Variants in C3orf52 observed in about 807,000 individuals in gnomAD.
C3orf52 encodes TPA-induced transmembrane protein.
C3orf52 carries 22 observed loss-of-function variants against 24.8 expected under a neutral mutation model. That is an observed-to-expected ratio of 0.89 (90% CI 0.63 to 1.27). The LOEUF (loss-of-function observed/expected upper bound fraction) is 1.27. C3orf52 is among the 50% of genes most tolerant of loss of function. The pLI is 0.00. For synonymous variants in C3orf52, 93 were observed against 100.2 expected (o/e 0.93, Z 0.43); for missense variants, 265 against 260.7 (o/e 1.02, Z -0.11).
downstream of C3orf52, chr3:112,133,468 T>C: frequency 4.4e-6 from 1 of 225,770 alleles, no homozygotes; most frequent in Non-Finnish European, 8.6e-6. Context: ...ATATTTACGT[T>C]TATAAATCAC....
At chr3:112,102,311 T>C (rs939656875) in intron 2 of C3orf52, among the ~76,000 whole-genome samples, 2 of 152,202 alleles carry the variant, frequency 1.3e-5, no homozygotes, top group African/African-American at 2.4e-5. Flanking sequence ...TCACTCATTG[T>C]TTTAGGCAAA....
At chr3:112,091,471 T>C (rs929982383) in intron 1 of C3orf52, among the ~76,000 whole-genome samples, 2 of 152,002 alleles carry the variant, frequency 1.3e-5, no homozygotes, top group Admixed American at 6.6e-5. Flanking sequence ...AAAGGGGAGA[T>C]TTGACCTAAC....
intron 2 of C3orf52, 31 bp downstream of exon 2, chr3:112,093,520 C>T (rs375816555): frequency 3.0e-5 from 48 of 1,593,538 alleles, no homozygotes; most frequent in Non-Finnish European, 3.7e-5. Context: ...ATAAATAACA[C>T]ATTTTAAGAA....
intron 4 of C3orf52, among the ~76,000 whole-genome samples, chr3:112,125,789 C>T (rs2074304509): frequency 6.6e-6 from 1 of 152,188 alleles, no homozygotes; most frequent in African/African-American, 2.4e-5. Flanking sequence ...TTTTGCAGAG[C>T]AGGAAACTCT....
In C3orf52 at chr3:112,125,216, T is replaced by A. The variant is rs1177236769; in HGVS notation, c.*47-3017T>A. On this transcript the variant is annotated intron_variant, in intron 4 of 4. Transcript: ENST00000480282. ...CATCTCAAAAAATAGCTTAGAGATG[T>A]TCTTATTACCTGGATGGGAGTAGAT... The A allele has an allele frequency of 5.2e-6, 8 of 1,545,658 alleles. No homozygotes were observed. In the African/African-American group the frequency reaches 1.1e-4, roughly 21 times the overall value.
intron 3 of C3orf52, among the ~76,000 whole-genome samples, chr3:112,107,053 C>T (rs2074031914): frequency 6.6e-6 from 1 of 152,144 alleles, no homozygotes; most frequent in African/African-American, 2.4e-5. Flanking sequence ...TAAATATGTC[C>T]TAAGTACAGC....
At position 112,093,509 on chromosome 3, in the gene C3orf52, A is replaced by G. The variant is rs1559970054; in HGVS notation, c.268+20A>G. On this transcript the variant is annotated intron_variant, in intron 2 of 5. Transcript: ENST00000264848. ...CTGCAGGTAAGAGGATTTAGATGTG[A>G]ATAAATAACACATTTTAAGAACTTA... 6.2e-7 allele frequency: 1 copy of G among 1,602,958 alleles called. No individual in the cohort carries two copies. Among genetic ancestry groups the G allele is most frequent in the Non-Finnish European group, 8.5e-7 (1 of 1,173,286 alleles).
chr3:112,087,196 G>T (rs1305212382), intron 1 of C3orf52, among the ~76,000 whole-genome samples: 1 of 152,168 alleles, frequency 6.6e-6, no homozygotes, highest in Admixed American at 6.5e-5. Flanking sequence ...CGGGGGAGGT[G>T]AACTTGCCCT....
rs543593250 is a variant in C3orf52, at chr3:112,117,259, A to T, written c.*613A>T. ...GAAGAAAAGGAAGGCACTTTAGAAG[A>T]CCTCAGCAGTGTGGTTCTGTGTCTA... On this transcript the variant is annotated 3_prime_UTR_variant, in exon 6 of 6. Coordinates refer to ENST00000264848, the MANE Select transcript of C3orf52 (RefSeq NM_024616.3). The T allele has an allele frequency of 2.3e-6, 1 of 443,366 alleles. No homozygotes were observed. The allele number at this position is 443,366 out of a possible 1,614,324, so 27.5% of individuals were successfully genotyped here. A position where few individuals can be genotyped will look rare whatever the true frequency, so the allele number is the denominator to read the frequency against.
intron 5 of C3orf52, among the ~76,000 whole-genome samples, chr3:112,116,370 C>G (rs1216838158): frequency 6.6e-6 from 1 of 152,180 alleles, no homozygotes; most frequent in Non-Finnish European, 1.5e-5. Context: ...ATGTCCTTAG[C>G]ACCCAAAAAC....
intron 1 of C3orf52, among the ~76,000 whole-genome samples, chr3:112,090,968 A>G (rs2073872022): frequency 6.6e-6 from 1 of 152,146 alleles, no homozygotes; most frequent in African/African-American, 2.4e-5. Flanking sequence ...CTGGCTTTGA[A>G]GCAGTTCTGC....
intron 4 of C3orf52, among the ~76,000 whole-genome samples, chr3:112,125,465 G>T (rs113517749): frequency 6.4e-4 from 97 of 152,274 alleles, no homozygotes; most frequent in Non-Finnish European, 1.0e-3. Context: ...GAGGTGAGAG[G>T]GGGGAGACAC....
chr3:112,123,814 G>C (rs1025030331), intron 4 of C3orf52: 3 of 1,578,582 alleles, frequency 1.9e-6, no homozygotes, highest in Non-Finnish European at 8.6e-7. Flanking sequence ...TTGGTCTCTT[G>C]CCATGACCTT....
downstream of C3orf52, chr3:112,132,632 C>T (rs868770325): frequency 1.0e-6 from 1 of 986,556 alleles, no homozygotes; most frequent in Non-Finnish European, 1.2e-6. Flanking sequence ...ATGACCTCTG[C>T]TTACCTGCTT....
At chr3:112,114,116 CA>C (rs1324361392) in intron 5 of C3orf52, among the ~76,000 whole-genome samples, 3 of 152,110 alleles carry the variant, frequency 2.0e-5, no homozygotes, top group East Asian at 3.9e-4. Flanking sequence ...AAGCATGGAA[CA>C]GGGGGTTAAA....
chr3:112,087,925 A>G (rs1447915288), intron 1 of C3orf52, among the ~76,000 whole-genome samples: 1 of 152,218 alleles, frequency 6.6e-6, no homozygotes, highest in Non-Finnish European at 1.5e-5. Flanking sequence ...CGTAGTGGTA[A>G]TGTGTGCCTA....
Position 112,093,361 on chromosome 3 carries a change from C to A in C3orf52, c.140C>A (p.Ala47Asp). The change falls in exon 2 of 6, where the codon GCT becomes GAT. Residue 47 changes from alanine to aspartate, a missense_variant and splice_region_variant. Physicochemically the swap from Ala to Asp is moderately radical, Grantham distance 126 (BLOSUM62 -2). Transcript: ENST00000264848. ...SLDEEVPPAE[A>D]NKESPWSSCN... ...CACAATCTCCCTCTGCCTTTCTAGG[C>A]TAACAAGGAAAGCCCCTGGAGCTCC... is the stretch of plus-strand genomic sequence containing the variant. 1 of 1,613,728 alleles carries A rather than the reference C, an allele frequency of 6.2e-7. No individual in the cohort carries two copies.
chr3:112,131,851 C>A (rs570277192), downstream of C3orf52, among the ~76,000 whole-genome samples: 93 of 152,080 alleles, frequency 6.1e-4, no homozygotes, highest in South Asian at 0.016. Flanking sequence ...GATTTAAAAT[C>A]GAATTTTCTT....
At position 112,093,253 on chromosome 3, in the gene C3orf52, G is replaced by A. The variant is rs543196205; in HGVS notation, c.139-107G>A. The A allele has an allele frequency of 2.5e-6, 3 of 1,177,086 alleles. No individual in the cohort carries two copies. In the South Asian group the frequency reaches 4.7e-5, roughly 18 times the overall value. 72.9% of individuals were successfully genotyped at this position (1,177,086 alleles called of 1,614,324 possible). A position where few individuals can be genotyped will look rare whatever the true frequency, so the allele number is the denominator to read the frequency against. On this transcript the variant is annotated intron_variant, in intron 1 of 5. Transcript: ENST00000264848. ...TGATTCAGTAGAGTGTTGCCCTAAG[G>A]TCAGGGTCTTGCTGCCTTCATTTCT... is the stretch of plus-strand genomic sequence containing the variant.
Sources: gnomAD v4.1 joint callset for allele counts (sites outside exome capture counted in the v4.1 genomes callset) on GRCh38, gnomAD v4.1.1 for gene constraint, MANE v1.5 for transcripts, NCBI Gene and HGNC (gene_info 2026-07-23, HGNC 2026-07-21) for gene names.